NRXN3: variants seen among roughly 807,000 people sequenced by gnomAD.
The protein encoded by NRXN3 is neurexin III.
A neutral mutation model predicts 137.6 loss-of-function variants in NRXN3; 32 were observed. The observed-to-expected ratio is 0.23, with a 90% confidence interval of 0.18 to 0.31. NRXN3 has a LOEUF of 0.31. NRXN3 is among the 10% of genes least tolerant of loss of function. The pLI is 1.00. For missense variants in NRXN3, 1,574 were observed against 2,062.5 expected (o/e 0.76, Z 4.59); for synonymous variants, 798 against 784.5 (o/e 1.02, Z -0.29).
At chr14:79,770,455 T>G in intron 19 of NRXN3, among the ~76,000 whole-genome samples, 1 of 118,678 alleles carries the variant, frequency 8.4e-6, no homozygotes, top group Non-Finnish European at 1.8e-5. Context: ...AAACTAGAAC[T>G]CAGGATTAAG....
intron 4 of NRXN3, among the ~76,000 whole-genome samples, chr14:78,637,604 G>A (rs533228624): frequency 4.1e-4 from 62 of 152,342 alleles, no homozygotes; most frequent in African/African-American, 1.4e-3. Flanking sequence ...GGTTAGAGAA[G>A]TTAAGTAATA....
chr14:78,213,352 C>G (rs760175385), intron 1 of NRXN3, among the ~76,000 whole-genome samples: 7 of 152,100 alleles, frequency 4.6e-5, no homozygotes, highest in Non-Finnish European at 7.4e-5. Flanking sequence ...ATTAGACATG[C>G]AAGAATCTTA....
chr14:79,631,544 T>C (rs1393110288), intron 16 of NRXN3, among the ~76,000 whole-genome samples: 2 of 152,242 alleles, frequency 1.3e-5, no homozygotes, highest in East Asian at 3.9e-4. Flanking sequence ...CGCAGCCGGC[T>C]GATGCCTGCT....
chr14:78,613,525 A>G (rs545846318), intron 4 of NRXN3, among the ~76,000 whole-genome samples: 35 of 151,936 alleles, frequency 2.3e-4, no homozygotes, highest in Admixed American at 7.2e-4. Context: ...TTAGCCAGAG[A>G]AAAGGGGGCA....
intron 14 of NRXN3, among the ~76,000 whole-genome samples, chr14:78,976,609 T>A (rs904026846): frequency 2.0e-5 from 3 of 152,330 alleles, no homozygotes; most frequent in Non-Finnish European, 4.4e-5. Context: ...TCCATTGTAT[T>A]TTTTGTTATA....
At chr14:78,616,548 G>T (rs895063688) in intron 4 of NRXN3, among the ~76,000 whole-genome samples, 1 of 152,122 alleles carries the variant, frequency 6.6e-6, no homozygotes, top group Non-Finnish European at 1.5e-5. Context: ...GCTTTTCTTT[G>T]TTTGAGGGCC....
chr14:78,751,794 C>G (rs567656340), intron 8 of NRXN3, among the ~76,000 whole-genome samples: 85 of 152,308 alleles, frequency 5.6e-4, no homozygotes, highest in African/African-American at 2.0e-3. Flanking sequence ...GCTGGAGGAG[C>G]AGCAGTAGCA....
At chr14:78,986,877 G>A (rs1020498064) in intron 14 of NRXN3, among the ~76,000 whole-genome samples, 1 of 151,848 alleles carries the variant, frequency 6.6e-6, no homozygotes, top group African/African-American at 2.4e-5. Context: ...AAAAAAATTA[G>A]CTGAGTGTAG....
At chr14:79,571,526 C>T (rs1438951617) in intron 16 of NRXN3, among the ~76,000 whole-genome samples, 1 of 152,132 alleles carries the variant, frequency 6.6e-6, no homozygotes, top group African/African-American at 2.4e-5. Flanking sequence ...GGGGAGCATC[C>T]TGCACCTCAG....
At chr14:78,588,489 G>C (rs2097088564) in intron 4 of NRXN3, among the ~76,000 whole-genome samples, 1 of 152,144 alleles carries the variant, frequency 6.6e-6, no homozygotes, top group Admixed American at 6.5e-5. Flanking sequence ...ATGAAGTCTA[G>C]GGGAGAGTAT....
At chr14:78,823,371 T>A (rs1283677713) in intron 10 of NRXN3, among the ~76,000 whole-genome samples, 1 of 152,180 alleles carries the variant, frequency 6.6e-6, no homozygotes, top group African/African-American at 2.4e-5. Context: ...GTGTGCCCTA[T>A]AGACTGTTCC....
chr14:78,297,813 C>T lies in NRXN3; in HGVS notation c.728-18C>T. On this transcript the variant is annotated intron_variant, in intron 3 of 20. Coordinates refer to ENST00000335750, the MANE Select transcript of NRXN3 (RefSeq NM_001330195.2). ...CTTCCCCACTCCTCTTCCCTTTCTCCCTGTTTCTCTTCCTCAGGCCTCTCC... is the reference window on the plus strand; with the variant it reads ...CTTCCCCACTCCTCTTCCCTTTCTCTCTGTTTCTCTTCCTCAGGCCTCTCC... 1 of 1,526,254 alleles carries T rather than the reference C, an allele frequency of 6.6e-7. No homozygotes were observed. The highest frequency in any genetic ancestry group is 8.8e-7 in the Non-Finnish European group (1 of 1,137,694). 94.5% of individuals were successfully genotyped at this position (1,526,254 alleles called of 1,614,324 possible).
At chr14:79,204,886 T>C (rs573577170) in intron 15 of NRXN3, among the ~76,000 whole-genome samples, 61 of 152,304 alleles carry the variant, frequency 4.0e-4, no homozygotes, top group Non-Finnish European at 8.1e-4. Context: ...AGACTTGGTG[T>C]ATGTACACAC....
At chr14:79,276,494 G>A (rs2080293895) in intron 15 of NRXN3, among the ~76,000 whole-genome samples, 1 of 152,090 alleles carries the variant, frequency 6.6e-6, no homozygotes, top group Non-Finnish European at 1.5e-5. Context: ...GACTTCTTTT[G>A]ACATTTTGCA....
intron 16 of NRXN3, among the ~76,000 whole-genome samples, chr14:79,501,770 G>A (rs987438944): frequency 1.3e-5 from 2 of 151,214 alleles, no homozygotes; most frequent in Non-Finnish European, 1.5e-5. Flanking sequence ...CATGTTAGAC[G>A]AGGTCAGGGA....
At chr14:79,524,462 G>C (rs905441750) in intron 16 of NRXN3, among the ~76,000 whole-genome samples, 4 of 152,160 alleles carry the variant, frequency 2.6e-5, no homozygotes, top group African/African-American at 9.7e-5. Context: ...ATACTTCACA[G>C]GTACCTGAAA....
Position 79,437,333 on chromosome 14 carries a change from T to C in NRXN3, c.3263-29888T>C, listed in dbSNP as rs1175033378. ...AACTTCAGAAACCTAATTTTCATTG[T>C]GATGAATAGCTCCCACAGTTTTTTC... On this transcript the variant is annotated intron_variant, in intron 15 of 20. Coordinates refer to ENST00000335750, the MANE Select transcript of NRXN3 (RefSeq NM_001330195.2). Among the ~76,000 whole-genome samples the C allele has an allele frequency of 1.3e-5, 2 of 152,032 alleles. 1 individual carries two copies. The highest frequency in any genetic ancestry group is 3.9e-4 in the East Asian group (2 of 5,194).
At chr14:78,701,302 G>T (rs1161342827) in intron 6 of NRXN3, among the ~76,000 whole-genome samples, 1 of 152,146 alleles carries the variant, frequency 6.6e-6, no homozygotes, top group Non-Finnish European at 1.5e-5. Context: ...CTTTCACAAA[G>T]AATCCATCAA....
intron 16 of NRXN3, among the ~76,000 whole-genome samples, chr14:79,569,630 TGAGA>T (rs765780227): frequency 1.2e-3 from 158 of 135,746 alleles, no homozygotes; most frequent in East Asian, 5.6e-3. Flanking sequence ...TGTGTGTGTG[TGAGA>T]GAGAGAGAGA....
Sources: allele counts gnomAD v4.1 joint callset (sites outside exome capture counted in the v4.1 genomes callset), GRCh38; gene constraint gnomAD v4.1.1; transcripts MANE v1.5; gene names NCBI Gene and HGNC (gene_info 2026-07-23, HGNC 2026-07-21).